The following TCEANC variants were observed in gnomAD, a reference collection of about 807,000 sequenced individuals.
TCEANC encodes transcription elongation factor A N-terminal and central domain containing.
In TCEANC, 8 loss-of-function variants were observed where a neutral mutation model predicts 8.7. That is an observed-to-expected ratio of 0.92 (90% CI 0.54 to 1.65). The LOEUF (loss-of-function observed/expected upper bound fraction) is 1.65, where lower values mean the gene tolerates loss of function less well. TCEANC is among the 40% of genes most tolerant of loss of function. The pLI is 0.00. For synonymous variants in TCEANC, 78 were observed against 92.9 expected, an observed-to-expected ratio of 0.84 and a Z score of 0.92; for missense variants, 255 against 251.9, an observed-to-expected ratio of 1.01 and a Z score of -0.08.
chrX:13,665,104 A>G (rs753072771), exon 2 of TCEANC: 9 of 124,045 alleles, frequency 7.3e-5, no homozygotes, highest in African/African-American at 2.9e-4. Flanking sequence ...TGTAAAATCT[A>G]TTTTGATATA....
upstream of TCEANC, chrX:13,655,230 C>T (rs2045916054): frequency 8.9e-6 from 1 of 111,999 alleles, no homozygotes; most frequent in African/African-American, 3.3e-5. Context: ...AAATTATTTA[C>T]TGTTTTTAGC....
chrX:13,665,275 A>G (rs887328785), exon 2 of TCEANC: 2 of 123,918 alleles, frequency 1.6e-5, no homozygotes, highest in Non-Finnish European at 1.9e-5. Context: ...CACAGCACAT[A>G]AAAACCAAAT....
intron 1 of TCEANC, among the ~76,000 whole-genome samples, chrX:13,656,085 G>C (rs1164175391): frequency 8.9e-6 from 1 of 112,681 alleles, no homozygotes; most frequent in Non-Finnish European, 1.9e-5. Context: ...CAGAAGTACA[G>C]TGAAGGCAGT....
upstream of TCEANC, among the ~76,000 whole-genome samples, chrX:13,653,822 G>C (rs1401240768): frequency 8.9e-6 from 1 of 111,955 alleles, no homozygotes; most frequent in African/African-American, 3.3e-5. Flanking sequence ...TTTTTGTGCA[G>C]ATGTGTGCAC....
intron 1 of TCEANC, among the ~76,000 whole-genome samples, chrX:13,658,030 TAGA>T (rs1226622651): frequency 8.9e-6 from 1 of 112,223 alleles, no homozygotes; most frequent in South Asian, 3.7e-4. Flanking sequence ...TTATGCTGAA[TAGA>T]AGAAGCCAGA....
intron 1 of TCEANC, among the ~76,000 whole-genome samples, 178 bp from the exon 3 acceptor site, chrX:13,659,474 A>C (rs1223347995): frequency 2.7e-5 from 3 of 112,221 alleles, no homozygotes; most frequent in Non-Finnish European, 5.6e-5. Flanking sequence ...CAAAATGAGT[A>C]AATCTATAGA....
exon 2 of TCEANC, chrX:13,664,863 G>A (rs969794424): frequency 8.1e-6 from 1 of 122,964 alleles, no homozygotes; most frequent in African/African-American, 3.3e-5. Flanking sequence ...AAAACTCATG[G>A]AATGTTCACC....
chrX:13,662,350 C>A, intron 1 of TCEANC, 151 bp from the exon 5 acceptor site: 1 of 502,011 alleles, frequency 2.0e-6, no homozygotes, highest in East Asian at 3.6e-5. Flanking sequence ...CTTAAAGATT[C>A]CATTTTCTAG....
chrX:13,659,377 G>A (rs1196764165), intron 1 of TCEANC, among the ~76,000 whole-genome samples: 1 of 112,073 alleles, frequency 8.9e-6, no homozygotes, highest in Non-Finnish European at 1.9e-5. Flanking sequence ...TCAACTGAAG[G>A]TCTGAGTTTC....
At position 13,662,395 on chromosome X, in the gene TCEANC, G is replaced by A. The variant is rs752812156; in HGVS notation, c.-8-106G>A. 42 of 717,799 alleles carry A rather than the reference G, an allele frequency of 5.9e-5. No individual in the cohort carries two copies. In the Admixed American group the frequency reaches 7.5e-4, roughly 13 times the overall value. The allele number at this position is 717,799 out of a possible 1,213,427, so 59.2% of individuals were successfully genotyped here. ...TACATTTGTATTACATGACTCTTTC[G>A]GAAAACATTGCCTAGGTAACTGACA... On this transcript the variant is annotated intron_variant, in intron 1 of 1. Transcript: ENST00000380600.
exon 2 of TCEANC, chrX:13,664,616 A>G (rs921367045): frequency 1.6e-5 from 2 of 122,515 alleles, no homozygotes; most frequent in African/African-American, 3.3e-5. Flanking sequence ...TTCTGATGTC[A>G]GGAGTCTTCA....
chrX:13,662,905 G>A (rs758878544), exon 2 of TCEANC: 1 of 1,211,720 alleles, frequency 8.3e-7, no homozygotes, highest in Non-Finnish European at 1.1e-6. Context: ...AAAACTCAGT[G>A]AAATGATTGT....
At chrX:13,658,363 G>T (rs1384942832) in intron 1 of TCEANC, among the ~76,000 whole-genome samples, 3 of 111,765 alleles carry the variant, frequency 2.7e-5, no homozygotes, top group Non-Finnish European at 3.8e-5. Flanking sequence ...AATAGAATCT[G>T]GTCCAAATTT....
chrX:13,658,708 CAG>C (rs1322993422), intron 1 of TCEANC, among the ~76,000 whole-genome samples: 1 of 111,661 alleles, frequency 9.0e-6, no homozygotes, highest in African/African-American at 3.3e-5. Context: ...ATAATTGCCT[CAG>C]AAATCGATTA....
At chrX:13,659,196 G>A (rs1429425886) in intron 1 of TCEANC, among the ~76,000 whole-genome samples, 4 of 112,380 alleles carry the variant, frequency 3.6e-5, no homozygotes, top group Non-Finnish European at 5.6e-5. Flanking sequence ...TCCCCGACTC[G>A]TTGAAAAGTT....
exon 2 of TCEANC, chrX:13,663,079 G>T (rs755770742): frequency 2.5e-6 from 3 of 1,211,600 alleles, no homozygotes; most frequent in Non-Finnish European, 3.4e-6. Context: ...TTCTTCCACA[G>T]ATCAACCCAA....
exon 2 of TCEANC, chrX:13,663,563 A>G (rs372520673): frequency 2.7e-6 from 3 of 1,127,318 alleles, no homozygotes; most frequent in African/African-American, 1.8e-5. Flanking sequence ...GTGTGCTGGT[A>G]ACTGTAAATC....
At chrX:13,657,528 C>T (rs920249843) in intron 1 of TCEANC, among the ~76,000 whole-genome samples, 2 of 112,542 alleles carry the variant, frequency 1.8e-5, no homozygotes. Flanking sequence ...TGTACACAGG[C>T]CGGGTGTGGT....
chrX:13,662,461 G>A (rs141411768), intron 1 of TCEANC, 40 bp from the exon 5 acceptor site: 12,470 of 1,140,680 alleles, frequency 0.011, 86 homozygotes, highest in Admixed American at 0.045. Flanking sequence ...GACTAGCAAC[G>A]GCAAACTTAA....
Sources: allele counts gnomAD v4.1 joint callset (sites outside exome capture counted in the v4.1 genomes callset), GRCh38; gene constraint gnomAD v4.1.1; transcripts MANE v1.5; gene names NCBI Gene and HGNC (gene_info 2026-07-23, HGNC 2026-07-21).